ZNF385D: variants seen among roughly 807,000 people sequenced by gnomAD.
ZNF385D encodes the protein zinc finger protein 659.
ZNF385D carries 15 observed loss-of-function variants against 35.8 expected under a neutral mutation model. That is an observed-to-expected ratio of 0.42 (90% CI 0.28 to 0.64). The LOEUF (loss-of-function observed/expected upper bound fraction) is 0.64. ZNF385D is among the 30% of genes least tolerant of loss of function. The probability of loss-of-function intolerance (pLI) is 0.23; values close to 1 mark genes in which losing one functional copy is unlikely to be tolerated. For missense variants in ZNF385D, 474 were observed against 494.6 expected (o/e 0.96, Z 0.39); for synonymous variants, 212 against 186.8 (o/e 1.13, Z -1.10).
chr3:21,565,675 A>G (rs1049194051), intron 2 of ZNF385D, among the ~76,000 whole-genome samples: 1 of 152,208 alleles, frequency 6.6e-6, no homozygotes, highest in Non-Finnish European at 1.5e-5. Flanking sequence ...GATGCTGGCT[A>G]TTTATTATTA....
At chr3:21,555,676 G>A (rs991760192) in intron 3 of ZNF385D, among the ~76,000 whole-genome samples, 10 of 152,110 alleles carry the variant, frequency 6.6e-5, no homozygotes, top group Admixed American at 2.6e-4. Context: ...GTAAACATGC[G>A]TGTGCTTGTG....
chr3:21,982,295 T>G (rs1694510784), intron 3 of ZNF385D, among the ~76,000 whole-genome samples: 1 of 152,096 alleles, frequency 6.6e-6, no homozygotes, highest in African/African-American at 2.4e-5. Context: ...TGCACCTCCC[T>G]GGTTAGCTGT....
chr3:21,726,388 A>T (rs1397667399), intron 1 of ZNF385D, among the ~76,000 whole-genome samples: 2 of 152,160 alleles, frequency 1.3e-5, no homozygotes, highest in Admixed American at 6.5e-5. Context: ...AAGTCAAATT[A>T]TCTCTGTTTG....
intron 2 of ZNF385D, among the ~76,000 whole-genome samples, chr3:21,648,482 T>C (rs1465013758): frequency 6.6e-6 from 1 of 152,142 alleles, no homozygotes; most frequent in African/African-American, 2.4e-5. Context: ...TGTAGGCAGT[T>C]CTTACAGAAC....
chr3:22,009,779 TAAAG>T (rs986918949), intron 3 of ZNF385D, among the ~76,000 whole-genome samples: 24 of 152,244 alleles, frequency 1.6e-4, no homozygotes, highest in Admixed American at 1.4e-3. Flanking sequence ...TTCTGGTTGA[TAAAG>T]AGAGAATTTT....
chr3:22,152,638 C>T (rs1705314290), intron 3 of ZNF385D, among the ~76,000 whole-genome samples: 1 of 152,166 alleles, frequency 6.6e-6, no homozygotes. Context: ...TCCTTTCTCT[C>T]TCTGACCTTC....
At chr3:21,448,166 T>C (rs1702257086) in intron 4 of ZNF385D, among the ~76,000 whole-genome samples, 1 of 152,172 alleles carries the variant, frequency 6.6e-6, no homozygotes, top group East Asian at 1.9e-4. Flanking sequence ...ATTTTTCATA[T>C]TTCAGGAGAC....
chr3:22,085,822 C>T (rs542126972), intron 3 of ZNF385D, among the ~76,000 whole-genome samples: 11 of 152,214 alleles, frequency 7.2e-5, no homozygotes, highest in South Asian at 4.2e-4. Context: ...ACTGGCAAAC[C>T]GAATCCAGTA....
chr3:22,154,437 C>A (rs1278402667), intron 3 of ZNF385D, among the ~76,000 whole-genome samples: 1 of 152,136 alleles, frequency 6.6e-6, no homozygotes, highest in Admixed American at 6.5e-5. Flanking sequence ...GAGGGCTTCA[C>A]CACGTAAGAA....
At position 22,200,283 on chromosome 3, in the gene ZNF385D, C is replaced by T. The variant is rs573752551; in HGVS notation, c.107-31248G>A. Among the ~76,000 whole-genome samples the T allele has an allele frequency of 4.8e-3, 735 of 152,130 alleles. 7 individuals carry two copies. Among genetic ancestry groups the T allele is most frequent in the South Asian group, 0.019 (90 of 4,816 alleles). ...CTTTTCTATTTTCCCTAAGCATTGG[C>T]CGGTTTGAGAAGTAAAGGGACAGAG... On this transcript the variant is annotated intron_variant, in intron 2 of 5. Coordinates refer to the ZNF385D transcript ENST00000494108.
At chr3:22,183,847 A>T (rs1004991546) in intron 2 of ZNF385D, among the ~76,000 whole-genome samples, 15 of 151,400 alleles carry the variant, frequency 9.9e-5, no homozygotes, top group Admixed American at 2.6e-4. Context: ...TTTTTTTTTT[A>T]AATTTAGTTT....
At position 22,095,926 on chromosome 3, in the gene ZNF385D, T is replaced by C. The variant is rs539244006; in HGVS notation, c.325+72891A>G. On this transcript the variant is annotated intron_variant, in intron 3 of 5. Coordinates refer to the ZNF385D transcript ENST00000494108. ...ATATTCACCATATTATATCTACTAA[T>C]GACACAATGAACTTTTTTGAGAGAT... Among the ~76,000 whole-genome samples the C allele has an allele frequency of 2.6e-5, 4 of 152,038 alleles. No homozygotes were observed. The South Asian group carries it at 8.3e-4, about 32-fold the overall frequency.
chr3:22,081,800 G>T (rs1271903677), intron 3 of ZNF385D, among the ~76,000 whole-genome samples: 2 of 152,094 alleles, frequency 1.3e-5, no homozygotes, highest in African/African-American at 2.4e-5. Flanking sequence ...TTTAAAAAAG[G>T]TTGCTTACCT....
intron 1 of ZNF385D, among the ~76,000 whole-genome samples, chr3:21,737,182 C>T (rs755556667): frequency 1.3e-5 from 2 of 152,108 alleles, no homozygotes; most frequent in African/African-American, 4.8e-5. Flanking sequence ...TCAAGTGATC[C>T]GCCTGCCTTG....
intron 3 of ZNF385D, chr3:21,849,615 T>TC (rs934936589): frequency 1.4e-5 from 2 of 141,684 alleles, no homozygotes; most frequent in South Asian, 4.7e-4. Flanking sequence ...CTTTTTTTTT[T>TC]TTTTTTTTTT....
At chr3:21,591,061 G>T (rs1341533835) in intron 2 of ZNF385D, among the ~76,000 whole-genome samples, 1 of 151,924 alleles carries the variant, frequency 6.6e-6, no homozygotes, top group African/African-American at 2.4e-5. Context: ...AGCTGGGCAT[G>T]GTGACATGTG....
At chr3:21,550,809 A>G (rs2062541664) in intron 3 of ZNF385D, among the ~76,000 whole-genome samples, 1 of 152,152 alleles carries the variant, frequency 6.6e-6, no homozygotes, top group Non-Finnish European at 1.5e-5. Context: ...CCATTAGAAA[A>G]TATATCTCAA....
At position 21,717,584 on chromosome 3, in the gene ZNF385D, T is replaced by C. The variant is rs139292889; in HGVS notation, c.22+33311A>G. Among the ~76,000 whole-genome samples, 7 of 152,280 alleles carry C rather than the reference T, an allele frequency of 4.6e-5. No homozygotes were observed. The East Asian group carries it at 1.4e-3, about 29-fold the overall frequency. On this transcript the variant is annotated intron_variant, in intron 1 of 7. Transcript: ENST00000281523. ...GTTTCACTGTGTCCCCACCCAAATC[T>C]CACATTAAATTGTAGCTCTCATAAT...
intron 3 of ZNF385D, among the ~76,000 whole-genome samples, chr3:21,886,916 A>C (rs766682875): frequency 6.6e-6 from 1 of 152,118 alleles, no homozygotes; most frequent in African/African-American, 2.4e-5. Flanking sequence ...ACTTTCATTC[A>C]TATGGGTCGG....
Sources: gnomAD v4.1 joint callset for allele counts (sites outside exome capture counted in the v4.1 genomes callset) on GRCh38, gnomAD v4.1.1 for gene constraint, MANE v1.5 for transcripts, NCBI Gene and HGNC (gene_info 2026-07-23, HGNC 2026-07-21) for gene names.